CAPN11: variants seen among roughly 807,000 people sequenced by gnomAD.
The protein encoded by CAPN11 is calpain-11.
A neutral mutation model predicts 105.3 loss-of-function variants in CAPN11; 108 were observed. The ratio of observed to expected loss-of-function variants is 1.03; its 90% CI spans 0.88 to 1.20. CAPN11 has a LOEUF of 1.20. CAPN11 is among the 50% of genes most tolerant of loss of function. CAPN11 has a pLI of 0.00. For missense variants in CAPN11, 883 were observed against 924.8 expected, an observed-to-expected ratio of 0.95 and a Z score of 0.59; for synonymous variants, 329 against 344.5, an observed-to-expected ratio of 0.96 and a Z score of 0.50.
Position 44,180,141 on chromosome 6 carries a change from A to G in CAPN11, c.1618A>G (p.Thr540Ala), listed in dbSNP as rs1057066600. 6.2e-7 allele frequency: 1 copy of G among 1,611,758 alleles called. No homozygotes were observed. Among genetic ancestry groups the G allele is most frequent in the Non-Finnish European group, 8.5e-7 (1 of 1,178,924 alleles). Residue 540 changes from threonine (T) to alanine (A), a missense_variant, in exon 14 of 23, where the codon ACC (threonine) becomes GCC (alanine). By Grantham distance (58) the Thr-to-Ala change is moderately conservative (BLOSUM62 0). Transcript: ENST00000398776. ...RDADFLLRVF[T>A]EKHSESWELD... ...TGCTGACTTCCTGCTTCGGGTCTTC[A>G]CCGAGAAGCACAGCGAGTCATGGTA...
intron 12 of CAPN11, among the ~76,000 whole-genome samples, chr6:44,178,750 T>TAAA (rs35225903): frequency 8.6e-6 from 1 of 116,058 alleles, no homozygotes; most frequent in Non-Finnish European, 1.7e-5. Flanking sequence ...CTGTCTCGAT[T>TAAA]AAAAAAAAAA....
At chr6:44,173,578 TTG>T (rs757097023) in intron 7 of CAPN11, among the ~76,000 whole-genome samples, 192 bp downstream of exon 7, 78,168 of 139,848 alleles carry the variant, frequency 0.56, 20,771 homozygotes, top group Non-Finnish European at 0.61. Flanking sequence ...TTGTTTTTTT[TTG>T]TTTGTTTGTT....
chr6:44,173,450 CT>C, intron 7 of CAPN11, 64 bp downstream of exon 7: 1 of 1,079,374 alleles, frequency 9.3e-7, no homozygotes, highest in East Asian at 2.6e-5. Context: ...CCAAAAGGCT[CT>C]TCCCCCAGTA....
intron 2 of CAPN11, among the ~76,000 whole-genome samples, chr6:44,167,539 A>G (rs1226207643): frequency 7.7e-6 from 1 of 129,156 alleles, no homozygotes; most frequent in African/African-American, 3.1e-5. Context: ...ATCTGTTTAG[A>G]TGGTCTGGAG....
chr6:44,181,104 C>G, intron 18 of CAPN11, 107 bp downstream of exon 18: 2 of 1,231,112 alleles, frequency 1.6e-6, no homozygotes, highest in South Asian at 2.4e-5. Context: ...GGGGATTAGG[C>G]TCTGGGGTAG....
intron 1 of CAPN11, among the ~76,000 whole-genome samples, chr6:44,164,899 T>A (rs1769539239): frequency 6.6e-6 from 1 of 152,110 alleles, no homozygotes; most frequent in Non-Finnish European, 1.5e-5. Flanking sequence ...TTTATTTATT[T>A]ATTTTTGAGA....
At position 44,169,898 on chromosome 6, in the gene CAPN11, C is replaced by T. The variant is rs1770676356; in HGVS notation, c.340-8C>T. The T allele has an allele frequency of 1.0e-5, 16 of 1,606,250 alleles. No homozygotes were observed. The highest frequency in any genetic ancestry group is 1.4e-5 in the Non-Finnish European group (16 of 1,174,788). On this transcript the variant is annotated splice_region_variant and splice_polypyrimidine_tract_variant and intron_variant, in intron 3 of 22. Transcript: ENST00000398776. ...GGGCCCCCTGAAACCTTTATTCCTTCACTGCAGGATATCATAAACAACCCT... is the reference window on the plus strand; with the variant it reads ...GGGCCCCCTGAAACCTTTATTCCTTTACTGCAGGATATCATAAACAACCCT...
chr6:44,169,024 G>A (rs1389846062), intron 2 of CAPN11: 1 of 522,004 alleles, frequency 1.9e-6, no homozygotes, highest in Non-Finnish European at 3.7e-6. Context: ...TCGAACTCCA[G>A]GGCTCAGGTG....
intron 11 of CAPN11, 22 bp downstream of exon 11, chr6:44,177,020 AG>A (rs1454029473): frequency 6.2e-6 from 10 of 1,608,200 alleles, no homozygotes; most frequent in Non-Finnish European, 7.6e-6. Flanking sequence ...GTGAGAGGGG[AG>A]GGGGTGTGCA....
At chr6:44,180,876 C>A in intron 17 of CAPN11, 57 bp from the exon 18 acceptor site, 4 of 1,598,490 alleles carry the variant, frequency 2.5e-6, no homozygotes, top group Non-Finnish European at 3.4e-6. Flanking sequence ...ACTCCCAGTG[C>A]CCCCACGATA....
rs1277396405 is a variant in CAPN11 at position 44,176,642 on chromosome 6, G to A, written c.1063G>A (p.Asp355Asn). Residue 355 changes from aspartate (D) to asparagine (N), a missense_variant, in exon 10 of 23, where the codon GAC becomes AAC. Transcript: ENST00000398776. ...GATGCAGCTGCTGCACAAGACGGAG[G>A]ACGGGGAGTTCTGGTCAGTGTGGCT... ...IQMQLLHKTE[D>N]GEFWMSYQDF... is the part of the protein sequence containing the mutation. 6.2e-7 allele frequency: 1 copy of A among 1,604,514 alleles called. No individual in the cohort carries two copies. The highest frequency in any genetic ancestry group is 8.5e-7 in the Non-Finnish European group (1 of 1,174,250).
chr6:44,172,983 G>T lies in CAPN11; in HGVS notation c.572G>T (p.Arg191Leu). 6.2e-7 allele frequency: 1 copy of T among 1,613,122 alleles called. No homozygotes were observed. Among genetic ancestry groups the T allele is most frequent in the South Asian group, 1.1e-5 (1 of 90,894 alleles). The change falls in exon 6 of 23, where the codon CGG becomes CTG. Residue 191 changes from arginine (R) to leucine (L), a missense_variant. Transcript: ENST00000398776. ...TGGGTGAACGTGGTGGTAGATGACC[G>T]GCTGCCCACAAAGAATGACAAGCTG... ...GQWVNVVVDD[R>L]LPTKNDKLVF...
rs940839467 is a variant in CAPN11, at chr6:44,180,951, A to G, written c.1823A>G (p.Lys608Arg). The G allele has an allele frequency of 3.1e-6, 5 of 1,613,638 alleles. No homozygotes were observed. Among genetic ancestry groups the G allele is most frequent in the Non-Finnish European group, 4.2e-6 (5 of 1,179,722 alleles). Residue 608 changes from lysine (K) to arginine (R), a missense_variant, in exon 18 of 23, where the codon AAG (lysine) becomes AGG (arginine). Lys to Arg is a conservative substitution (Grantham distance 26, BLOSUM62 2). Transcript: ENST00000398776. ...CTCACAGTCAAAAGCTTCAAGACCA[A>G]GGGCTTTGGCCTGGATGCTTGCCGC... Reference protein sequence around the residue: ...MAIKFKSFKTKGFGLDACRCM... With the variant: ...MAIKFKSFKTRGFGLDACRCM...
At chr6:44,163,594 A>G (rs1249060410) in intron 1 of CAPN11, among the ~76,000 whole-genome samples, 1 of 152,148 alleles carries the variant, frequency 6.6e-6, no homozygotes, top group African/African-American at 2.4e-5. Flanking sequence ...AAGTTATAAG[A>G]GTAAGCCTAA....
chr6:44,177,166 G>T, intron 11 of CAPN11, 76 bp from the exon 12 acceptor site: 3 of 1,503,896 alleles, frequency 2.0e-6, no homozygotes, highest in Non-Finnish European at 1.8e-6. Context: ...TGTGGCTGGG[G>T]AAGCTCGGTC....
At chr6:44,169,867 T>G (rs1225365442) in intron 3 of CAPN11, 39 bp from the exon 4 acceptor site, 1 of 1,457,856 alleles carries the variant, frequency 6.9e-7, no homozygotes, top group African/African-American at 1.4e-5. Flanking sequence ...GGGGAGGGGG[T>G]GTCCTGGGCC....
At chr6:44,169,835 C>A in intron 3 of CAPN11, 71 bp from the exon 4 acceptor site, 1 of 1,250,950 alleles carries the variant, frequency 8.0e-7, no homozygotes, top group African/African-American at 1.5e-5. Context: ...GCATCATTCC[C>A]CAGCAAAAGT....
intron 1 of CAPN11, among the ~76,000 whole-genome samples, chr6:44,161,440 T>C (rs1768786084): frequency 6.6e-6 from 1 of 152,208 alleles, no homozygotes; most frequent in South Asian, 2.1e-4. Flanking sequence ...CTTCAGGTGA[T>C]CCGCCCACCT....
At chr6:44,183,825 C>G in intron 22 of CAPN11, 62 bp downstream of exon 22, 2 of 1,576,504 alleles carry the variant, frequency 1.3e-6, no homozygotes, top group South Asian at 1.1e-5. Context: ...TCAACCCCAC[C>G]CCCACCCAGC....
Sources: allele counts gnomAD v4.1 joint callset (sites outside exome capture counted in the v4.1 genomes callset), GRCh38; gene constraint gnomAD v4.1.1; transcripts MANE v1.5; gene names NCBI Gene and HGNC (gene_info 2026-07-23, HGNC 2026-07-21).